CREB5: variants seen among roughly 807,000 people sequenced by gnomAD.
CREB5 encodes the protein cyclic AMP-responsive element-binding protein 5.
CREB5 carries 19 observed loss-of-function variants against 57.1 expected under a neutral mutation model. The observed-to-expected ratio is 0.33, with a 90% CI of 0.23 to 0.49. The LOEUF (loss-of-function observed/expected upper bound fraction) is 0.49, where lower values mean the gene tolerates loss of function less well. Ranked by LOEUF, CREB5 falls within the 20% of genes least tolerant of loss-of-function variation. CREB5 has a pLI of 0.99. For missense variants in CREB5, 579 were observed against 671.6 expected, an observed-to-expected ratio of 0.86 and a Z score of 1.52; for synonymous variants, 238 against 238.3, an observed-to-expected ratio of 1.00 and a Z score of 0.01.
chr7:28,403,903 T>C (rs1787526749), intron 1 of CREB5, among the ~76,000 whole-genome samples: 1 of 152,216 alleles, frequency 6.6e-6, no homozygotes. Flanking sequence ...TAGCAAAAAA[T>C]TAAAATGTTA....
chr7:28,682,681 G>GT (rs916106779), intron 5 of CREB5, among the ~76,000 whole-genome samples: 12 of 131,086 alleles, frequency 9.2e-5, no homozygotes, highest in African/African-American at 3.6e-4. Flanking sequence ...AAACCTAAAA[G>GT]TGGGGGGGGG....
At chr7:28,368,791 A>G (rs1327477247) in intron 1 of CREB5, among the ~76,000 whole-genome samples, 2 of 152,254 alleles carry the variant, frequency 1.3e-5, no homozygotes, top group African/African-American at 4.8e-5. Flanking sequence ...CCACGCCTGT[A>G]ATCCCAGCAT....
At chr7:28,359,037 G>A (rs1426990659) in intron 1 of CREB5, among the ~76,000 whole-genome samples, 1 of 151,860 alleles carries the variant, frequency 6.6e-6, no homozygotes, top group Non-Finnish European at 1.5e-5. Flanking sequence ...AATCATTCAG[G>A]AGAATTTGTT....
rs1785209313 is a variant in CREB5 at position 28,307,388 on chromosome 7, G to C, written c.-25+7947G>C. On this transcript the variant is annotated intron_variant, in intron 1 of 9. Transcript: ENST00000396299. ...ATCCCTCCCAGCATGTGAGGACCCA[G>C]TGTTCATCCCTTCCAGAGGACACAG... Among the ~76,000 whole-genome samples, 5 of 152,320 alleles carry C rather than the reference G, an allele frequency of 3.3e-5. No homozygotes were observed. The South Asian group carries it at 1.0e-3, about 32-fold the overall frequency.
intron 4 of CREB5, among the ~76,000 whole-genome samples, chr7:28,523,896 C>A (rs377584161): frequency 1.3e-5 from 2 of 152,188 alleles, no homozygotes; most frequent in Non-Finnish European, 2.9e-5. Context: ...TCACCTCCTA[C>A]CTTGTGTTTT....
intron 4 of CREB5, among the ~76,000 whole-genome samples, chr7:28,533,761 A>G (rs138992638): frequency 6.6e-6 from 1 of 152,300 alleles, no homozygotes; most frequent in East Asian, 1.9e-4. Context: ...TGATACAGCA[A>G]CCAAACCTGA....
rs74212086 is a variant in CREB5 at position 28,560,935 on chromosome 7, T to TGTGCGC, written c.292-9429_292-9428insTGCGCG. Among the ~76,000 whole-genome samples the TGTGCGC allele has an allele frequency of 1.2e-4, 7 of 56,258 alleles. No individual in the cohort carries two copies. In the South Asian group the frequency reaches 3.4e-3, roughly 27 times the overall value. 36.9% of individuals were successfully genotyped at this position (56,258 alleles called of 152,430 possible). A position where few individuals can be genotyped will look rare whatever the true frequency, so the allele number is the denominator to read the frequency against. ...GTGTGCGTGTGTGCGCGTGCGTGTG[T>TGTGCGC]GCGTGCGTGTGTGTGCGTGTGTGTG... On this transcript the variant is annotated intron_variant, in intron 4 of 10. Transcript: ENST00000357727.
intron 7 of CREB5, among the ~76,000 whole-genome samples, chr7:28,749,871 C>A (rs1162967393): frequency 1.3e-5 from 2 of 150,324 alleles, no homozygotes; most frequent in East Asian, 3.9e-4. Flanking sequence ...AAGTAGAATC[C>A]AATTGGCCAA....
intron 1 of CREB5, among the ~76,000 whole-genome samples, chr7:28,478,325 C>A (rs1368497172): frequency 6.6e-6 from 1 of 151,526 alleles, no homozygotes; most frequent in Admixed American, 6.6e-5. Flanking sequence ...ATGAAAGGAT[C>A]CCTGTAAAGT....
intron 7 of CREB5, among the ~76,000 whole-genome samples, chr7:28,795,079 C>G (rs574230109): frequency 1.3e-5 from 2 of 152,244 alleles, no homozygotes; most frequent in East Asian, 1.9e-4. Flanking sequence ...AGGACTCTCA[C>G]TCTCTTGAGT....
At chr7:28,451,755 T>C (rs930562465) in intron 1 of CREB5, among the ~76,000 whole-genome samples, 1 of 152,060 alleles carries the variant, frequency 6.6e-6, no homozygotes, top group Non-Finnish European at 1.5e-5. Flanking sequence ...TAGAGAGTGT[T>C]GCTAAATTGA....
intron 7 of CREB5, among the ~76,000 whole-genome samples, chr7:28,752,733 G>T (rs1583670009): frequency 6.6e-6 from 1 of 151,956 alleles, no homozygotes; most frequent in South Asian, 2.1e-4. Context: ...TACTACAATG[G>T]CCTCTTTTAG....
At chr7:28,702,718 G>A (rs1217803546) in intron 5 of CREB5, among the ~76,000 whole-genome samples, 1 of 152,188 alleles carries the variant, frequency 6.6e-6, no homozygotes, top group Non-Finnish European at 1.5e-5. Context: ...CTATTAATAT[G>A]TTATTAGAAA....
At chr7:28,623,250 C>T (rs1198991777) in intron 5 of CREB5, among the ~76,000 whole-genome samples, 3 of 152,206 alleles carry the variant, frequency 2.0e-5, no homozygotes, top group Non-Finnish European at 4.4e-5. Flanking sequence ...CATAGGAATA[C>T]AGGCATACCT....
chr7:28,567,860 G>A (rs994490112), intron 4 of CREB5, among the ~76,000 whole-genome samples: 1 of 152,160 alleles, frequency 6.6e-6, no homozygotes, highest in Non-Finnish European at 1.5e-5. Context: ...GGTCCCACAC[G>A]GACTTCAGAG....
intron 4 of CREB5, among the ~76,000 whole-genome samples, chr7:28,522,120 G>A (rs1793230526): frequency 6.6e-6 from 1 of 152,174 alleles, no homozygotes; most frequent in Admixed American, 6.5e-5. Flanking sequence ...TTTACACAAT[G>A]AGAAGTTAAA....
At chr7:28,315,856 G>A (rs148591121) in intron 1 of CREB5, among the ~76,000 whole-genome samples, 12 of 152,154 alleles carry the variant, frequency 7.9e-5, no homozygotes, top group African/African-American at 2.9e-4. Context: ...TCTGGGACAC[G>A]GAGGACTGGC....
In CREB5 at chr7:28,326,153, T is replaced by TTATCTATC. The variant is rs58259868; in HGVS notation, c.-25+26763_-25+26770dup. 1.4e-3 allele frequency among the ~76,000 whole-genome samples: 199 copies of TTATCTATC among 146,208 alleles called. 1 individual carries two copies. The highest frequency in any genetic ancestry group is 3.0e-3 in the South Asian group (13 of 4,360). Reference sequence around the variant, plus strand: ...GAGACAGAACTGGTACACACACACATTATCTATCTATCTATCTATCTATCT... The same window carrying TTATCTATC: ...GAGACAGAACTGGTACACACACACATTATCTATCTATCTATCTATCTATCTATCTATCT... On this transcript the variant is annotated intron_variant, in intron 1 of 9. Transcript: ENST00000396299.
chr7:28,495,513 G>A (rs1792000694), intron 3 of CREB5, among the ~76,000 whole-genome samples: 1 of 148,100 alleles, frequency 6.8e-6, no homozygotes, highest in African/African-American at 2.5e-5. Flanking sequence ...CTGCACTCCA[G>A]CCTGGGTGAC....
Sources: allele counts gnomAD v4.1 joint callset (sites outside exome capture counted in the v4.1 genomes callset), GRCh38; gene constraint gnomAD v4.1.1; transcripts MANE v1.5; gene names NCBI Gene and HGNC (gene_info 2026-07-23, HGNC 2026-07-21).